The following FAM20B variants were observed in gnomAD, a reference collection of about 807,000 sequenced individuals.
FAM20B encodes the protein glycosaminoglycan xylosylkinase.
FAM20B carries 23 observed loss-of-function variants against 43.8 expected under a neutral mutation model. That is an observed-to-expected ratio of 0.53 (90% confidence interval 0.38 to 0.74). The LOEUF is 0.74. FAM20B is among the 30% of genes least tolerant of loss of function. The pLI is 0.00. For synonymous variants in FAM20B, 178 were observed against 192.4 expected (o/e 0.93, Z 0.62); for missense variants, 440 against 510.5 (o/e 0.86, Z 1.33).
intron 4 of FAM20B, among the ~76,000 whole-genome samples, chr1:179,057,136 G>A (rs1401740494): frequency 6.6e-6 from 1 of 152,092 alleles, no homozygotes; most frequent in Non-Finnish European, 1.5e-5. Context: ...CTTGAGGGCG[G>A]GAGTTCGAGA....
At chr1:179,061,491 TCTC>T (rs1651462590) in intron 4 of FAM20B, among the ~76,000 whole-genome samples, 1 of 151,924 alleles carries the variant, frequency 6.6e-6, no homozygotes, top group Non-Finnish European at 1.5e-5. Context: ...AGCAGCCTAA[TCTC>T]CTGGTCTCAA....
At chr1:179,040,918 G>A (rs923545768) in intron 1 of FAM20B, among the ~76,000 whole-genome samples, 14 of 150,398 alleles carry the variant, frequency 9.3e-5, no homozygotes, top group Admixed American at 1.3e-4. Flanking sequence ...GGGCAGAGAC[G>A]CTCCTCACCT....
Position 179,074,426 on chromosome 1 carries a change from T to A in FAM20B, c.*2282T>A, listed in dbSNP as rs749197926. On this transcript the variant is annotated 3_prime_UTR_variant, in exon 8 of 8. Transcript: ENST00000263733. ...TCATCTCTGCTCTCCCTGTAAATGT[T>A]AGTTGAACTAAGTTATGGATTTGTG... 6 of 152,606 alleles carry A rather than the reference T, an allele frequency of 3.9e-5. No individual in the cohort carries two copies. The highest frequency in any genetic ancestry group is 7.3e-5 in the Non-Finnish European group (5 of 68,038). 9.5% of individuals were successfully genotyped at this position (152,606 alleles called of 1,614,324 possible). A position where few individuals can be genotyped will look rare whatever the true frequency, so the allele number is the denominator to read the frequency against.
At chr1:179,040,185 C>A (rs990710758) in intron 1 of FAM20B, among the ~76,000 whole-genome samples, 2 of 152,232 alleles carry the variant, frequency 1.3e-5, no homozygotes, top group Admixed American at 6.5e-5. Context: ...CCCCACCCTT[C>A]CCCCCTTTCT....
chr1:179,044,880 A>G (rs577172810), intron 2 of FAM20B, among the ~76,000 whole-genome samples: 2 of 152,346 alleles, frequency 1.3e-5, no homozygotes, highest in East Asian at 1.9e-4. Context: ...CTGCTAAACT[A>G]TCTTCCAAAG....
At chr1:179,030,336 C>A (rs949447762) in intron 1 of FAM20B, among the ~76,000 whole-genome samples, 1 of 151,828 alleles carries the variant, frequency 6.6e-6, no homozygotes, top group Admixed American at 6.6e-5. Flanking sequence ...GAAGTACTTA[C>A]TCGTGTGGGT....
At chr1:179,046,173 G>C (rs187354376) in intron 2 of FAM20B, among the ~76,000 whole-genome samples, 1 of 152,128 alleles carries the variant, frequency 6.6e-6, no homozygotes, top group Non-Finnish European at 1.5e-5. Flanking sequence ...TAAACAGCTT[G>C]TATTCTGCCA....
At chr1:179,051,488 G>A (rs1459313844) in intron 3 of FAM20B, among the ~76,000 whole-genome samples, 1 of 152,032 alleles carries the variant, frequency 6.6e-6, no homozygotes, top group Non-Finnish European at 1.5e-5. Context: ...TTAGCTGAGT[G>A]TGGTGGCGTG....
chr1:179,018,906 C>A, the FAM20B span, among the ~76,000 whole-genome samples: 4 of 152,192 alleles, frequency 2.6e-5, no homozygotes, highest in African/African-American at 4.8e-5. Flanking sequence ...GGTCGTATAA[C>A]CTGAGAGCCA....
In FAM20B at chr1:179,061,656, C is replaced by G. The variant is rs372331120; in HGVS notation, c.575-2271C>G. ...ATTCCTGGGCTCAAGTGATCCTTCT[C>G]CCTTGGCCTCCCAAAGTGCTGGGAT... On this transcript the variant is annotated intron_variant, in intron 4 of 7. Transcript: ENST00000263733. 2.0e-5 allele frequency among the ~76,000 whole-genome samples: 3 copies of G among 152,230 alleles called. 1 individual carries two copies. Among genetic ancestry groups the G allele is most frequent in the East Asian group, 3.9e-4 (2 of 5,170 alleles).
intron 7 of FAM20B, among the ~76,000 whole-genome samples, chr1:179,069,463 C>A (rs557423519): frequency 6.6e-6 from 1 of 152,112 alleles, no homozygotes; most frequent in Non-Finnish European, 1.5e-5. Flanking sequence ...CGCTGTCTCC[C>A]GGGTTCAGGC....
intron 4 of FAM20B, among the ~76,000 whole-genome samples, chr1:179,056,640 C>T (rs1379145834): frequency 6.6e-6 from 1 of 152,178 alleles, no homozygotes; most frequent in Non-Finnish European, 1.5e-5. Context: ...GTTTTCAGCT[C>T]TTTTGGGTAA....
chr1:179,040,692 G>A (rs1192526732), intron 1 of FAM20B, among the ~76,000 whole-genome samples: 2 of 123,962 alleles, frequency 1.6e-5, no homozygotes, highest in Non-Finnish European at 3.5e-5. Flanking sequence ...GGACGGGGCG[G>A]CTGGCCTGGC....
chr1:179,030,040 T>C (rs1351370771), intron 1 of FAM20B, among the ~76,000 whole-genome samples: 1 of 152,228 alleles, frequency 6.6e-6, no homozygotes, highest in African/African-American at 2.4e-5. Flanking sequence ...AGCTGCTCTT[T>C]TGCTGCTGTT....
the FAM20B span, among the ~76,000 whole-genome samples, chr1:179,017,973 T>C: frequency 1.3e-5 from 2 of 152,212 alleles, no homozygotes; most frequent in Non-Finnish European, 2.9e-5. Flanking sequence ...TGAAAGATAA[T>C]GAACTTTGCC....
In FAM20B at chr1:179,076,266, T is replaced by C. The variant is rs544322824; in HGVS notation, c.*4122T>C. ...TCCTCAAGTCTGGGTGGTGACAAGG[T>C]AGGGGCTAGGTACTGGACTACCACA... On this transcript the variant is annotated 3_prime_UTR_variant, in exon 8 of 8. Coordinates refer to ENST00000263733, the MANE Select transcript of FAM20B (RefSeq NM_014864.4). 6.6e-6 allele frequency: 1 copy of C among 152,208 alleles called. No homozygotes were observed. Among genetic ancestry groups the C allele is most frequent in the East Asian group, 1.9e-4 (1 of 5,172 alleles). 9.4% of individuals were successfully genotyped at this position (152,208 alleles called of 1,614,324 possible).
At chr1:179,029,637 A>C (rs1032840606) in intron 1 of FAM20B, among the ~76,000 whole-genome samples, 1 of 152,220 alleles carries the variant, frequency 6.6e-6, no homozygotes, top group Non-Finnish European at 1.5e-5. Flanking sequence ...TTTAGAGAAG[A>C]GGGTGCTAAC....
chr1:179,075,619 G>GT lies in FAM20B; in HGVS notation c.*3477dup, dbSNP rs1157968192. The GT allele has an allele frequency of 7.2e-5, 11 of 152,662 alleles. No homozygotes were observed. Among genetic ancestry groups the GT allele is most frequent in the African/African-American group, 2.6e-4 (11 of 41,540 alleles). The allele number at this position is 152,662 out of a possible 1,614,324, so 9.5% of individuals were successfully genotyped here. ...GCATTGCCCCCTGTTTGCACTCAGG[G>GT]TTAATATGTCAAATGAAATTTAAGA... On this transcript the variant is annotated 3_prime_UTR_variant, in exon 8 of 8. Transcript: ENST00000263733.
chr1:179,032,461 A>G (rs1650055743), intron 1 of FAM20B, among the ~76,000 whole-genome samples: 1 of 151,748 alleles, frequency 6.6e-6, no homozygotes, highest in Admixed American at 6.6e-5. Flanking sequence ...GTTAGGTAAT[A>G]GTATTCTTGT....
Sources: allele counts gnomAD v4.1 joint callset (sites outside exome capture counted in the v4.1 genomes callset), GRCh38; gene constraint gnomAD v4.1.1; transcripts MANE v1.5; gene names NCBI Gene and HGNC (gene_info 2026-07-23, HGNC 2026-07-21).